CSMD1: variants seen among roughly 807,000 people sequenced by gnomAD.
The protein encoded by CSMD1 is CUB and sushi domain-containing protein 1.
A neutral mutation model predicts 417.5 loss-of-function variants in CSMD1; 213 were observed. That is an observed-to-expected ratio of 0.51 (90% CI 0.46 to 0.57). CSMD1 has a LOEUF of 0.57. CSMD1 is among the 20% of genes least tolerant of loss of function. The pLI, the probability that CSMD1 is intolerant of heterozygous loss-of-function variation, is 0.00. For synonymous variants in CSMD1, 2,862 were observed against 1,736.8 expected (o/e 1.65, Z -16.11); for missense variants, 6,923 against 4,529.7 (o/e 1.53, Z -15.17).
intron 1 of CSMD1, among the ~76,000 whole-genome samples, chr8:4,764,232 C>T (rs750940164): frequency 3.3e-5 from 5 of 152,056 alleles, no homozygotes; most frequent in Non-Finnish European, 5.9e-5. Context: ...GTTAGACAGT[C>T]GTATTGTACA....
rs868663798 is a variant in CSMD1 at position 4,399,169 on chromosome 8, T to C, written c.415+20784A>G. On this transcript the variant is annotated intron_variant, in intron 3 of 69. Coordinates refer to ENST00000635120, the MANE Select transcript of CSMD1 (RefSeq NM_033225.6). ...AAACTTTGTGTGATCAGCATACAGA[T>C]TAATAAATAAAGATGATCCTAGCCT... Among the ~76,000 whole-genome samples the C allele has an allele frequency of 3.9e-5, 6 of 152,268 alleles. No homozygotes were observed. In the Middle Eastern group the frequency reaches 0.017, roughly 432 times the overall value.
At chr8:4,527,976 T>C (rs967791736) in intron 2 of CSMD1, among the ~76,000 whole-genome samples, 4 of 152,142 alleles carry the variant, frequency 2.6e-5, no homozygotes, top group South Asian at 4.1e-4. Flanking sequence ...TCAGTCTCTA[T>C]AGAATCCATG....
chr8:3,377,974 G>A (rs146365070), intron 18 of CSMD1, among the ~76,000 whole-genome samples: 11 of 152,278 alleles, frequency 7.2e-5, no homozygotes, highest in South Asian at 6.2e-4. Flanking sequence ...AGTCAGTGCC[G>A]TCATGGCCTG....
intron 1 of CSMD1, among the ~76,000 whole-genome samples, chr8:4,832,400 T>A (rs141655184): frequency 5.5e-4 from 84 of 152,180 alleles, no homozygotes; most frequent in Non-Finnish European, 1.0e-3. Context: ...ACAGTGGACA[T>A]TGACATCTAC....
intron 1 of CSMD1, chr8:4,788,417 C>T: frequency 2.2e-6 from 3 of 1,341,720 alleles, no homozygotes; most frequent in Non-Finnish European, 3.2e-6. Flanking sequence ...TTTGACTACC[C>T]AGGGTCTTGG....
intron 1 of CSMD1, among the ~76,000 whole-genome samples, chr8:4,658,985 C>T (rs544258391): frequency 6.6e-6 from 1 of 151,986 alleles, no homozygotes; most frequent in Non-Finnish European, 1.5e-5. Context: ...ACCACGAAGG[C>T]AATAACTGAA....
intron 41 of CSMD1, among the ~76,000 whole-genome samples, chr8:3,140,773 T>A (rs1452882020): frequency 1.3e-5 from 2 of 152,178 alleles, no homozygotes; most frequent in Non-Finnish European, 1.5e-5. Flanking sequence ...CAACCTCATT[T>A]GATCTAGCAA....
At chr8:4,598,220 C>A (rs1039415220) in intron 2 of CSMD1, among the ~76,000 whole-genome samples, 1 of 152,116 alleles carries the variant, frequency 6.6e-6, no homozygotes, top group East Asian at 1.9e-4. Context: ...TATTTACATG[C>A]CTGAGAGCTC....
rs145986882 is a variant in CSMD1 at position 2,974,263 on chromosome 8, C to T, written c.8740+188G>A. Among the ~76,000 whole-genome samples, 117 of 152,288 alleles carry T rather than the reference C, an allele frequency of 7.7e-4. 1 individual carries two copies. Among genetic ancestry groups the T allele is most frequent in the African/African-American group, 2.8e-3 (116 of 41,562 alleles). On this transcript the variant is annotated intron_variant, in intron 56 of 69. Transcript: ENST00000635120. ...GAACATTTAAAGTAATGGTGTCTAA[C>T]GATTATTGCGAAGATGAAGACAATA...
intron 3 of CSMD1, among the ~76,000 whole-genome samples, chr8:4,348,927 T>G (rs1584938471): frequency 6.6e-6 from 1 of 152,190 alleles, no homozygotes; most frequent in Non-Finnish European, 1.5e-5. Context: ...ACAGCTATTG[T>G]TCCTTAACCA....
intron 3 of CSMD1, among the ~76,000 whole-genome samples, chr8:4,198,682 A>AC (rs1473378431): frequency 6.6e-6 from 1 of 152,078 alleles, no homozygotes; most frequent in Non-Finnish European, 1.5e-5. Flanking sequence ...GGCTGGTAAA[A>AC]CCCCAAGGAC....
intron 7 of CSMD1, among the ~76,000 whole-genome samples, chr8:3,650,272 T>C (rs1258941058): frequency 2.0e-5 from 3 of 150,594 alleles, no homozygotes; most frequent in Non-Finnish European, 4.4e-5. Flanking sequence ...AGCAAGACTC[T>C]TTCTCAGAAA....
chr8:3,992,031 G>A (rs1162385155), intron 5 of CSMD1, among the ~76,000 whole-genome samples: 2 of 152,004 alleles, frequency 1.3e-5, no homozygotes, highest in East Asian at 1.9e-4. Context: ...TAAAGCAGGG[G>A]TTTATGAATA....
intron 5 of CSMD1, among the ~76,000 whole-genome samples, chr8:3,938,247 G>A (rs1810638496): frequency 6.6e-6 from 1 of 151,880 alleles, no homozygotes. Flanking sequence ...ATGCTTTACT[G>A]TTTAAAAAAA....
At chr8:4,453,472 G>C (rs903838302) in intron 2 of CSMD1, among the ~76,000 whole-genome samples, 2 of 152,188 alleles carry the variant, frequency 1.3e-5, no homozygotes, top group Non-Finnish European at 2.9e-5. Flanking sequence ...GTGATGCGAA[G>C]TCTGGCTGAA....
intron 3 of CSMD1, among the ~76,000 whole-genome samples, chr8:4,237,653 C>T (rs773741485): frequency 6.6e-6 from 1 of 151,998 alleles, no homozygotes; most frequent in Admixed American, 6.6e-5. Flanking sequence ...GTAGCTGAGA[C>T]TGGAGGTGTG....
Position 3,025,193 on chromosome 8 carries a change from G to C in CSMD1, c.7855+4126C>G, listed in dbSNP as rs903120223. The stretch of plus-strand genomic sequence containing the variant: ...GTGTTATTCTGATACCGTGTATTGT[G>C]TGGTGTTATTCTGAAACTGTGTATT... On this transcript the variant is annotated intron_variant, in intron 51 of 69. Transcript: ENST00000635120. Among the ~76,000 whole-genome samples the C allele has an allele frequency of 5.9e-3, 873 of 148,470 alleles. 7 individuals are homozygous for C. Among genetic ancestry groups the C allele is most frequent in the East Asian group, 0.014 (72 of 4,974 alleles).
intron 1 of CSMD1, among the ~76,000 whole-genome samples, chr8:4,710,976 G>A (rs1808255532): frequency 6.6e-6 from 1 of 152,130 alleles, no homozygotes; most frequent in African/African-American, 2.4e-5. Flanking sequence ...GCTCTTGGAT[G>A]TGTACTTGAG....
Position 3,559,749 on chromosome 8 carries a change from G to C in CSMD1, c.1344+15196C>G, listed in dbSNP as rs565605986. ...ATACATATATCTACATTTTTGAAAA[G>C]TACATTTCAAATTTATTGTGGAAGA... On this transcript the variant is annotated intron_variant, in intron 10 of 69. Coordinates refer to ENST00000635120, the MANE Select transcript of CSMD1 (RefSeq NM_033225.6). Among the ~76,000 whole-genome samples the C allele has an allele frequency of 7.9e-5, 12 of 152,194 alleles. No homozygotes were observed. The East Asian group carries it at 1.7e-3, about 22-fold the overall frequency.
Sources: allele counts gnomAD v4.1 joint callset (sites outside exome capture counted in the v4.1 genomes callset), GRCh38; gene constraint gnomAD v4.1.1; transcripts MANE v1.5; gene names NCBI Gene and HGNC (gene_info 2026-07-23, HGNC 2026-07-21).